Variants in SEMA5A observed in about 807,000 individuals in gnomAD.
SEMA5A encodes the protein semaphorin 5A, also known as semaphorin-5A.
Under a neutral mutation model 135.5 loss-of-function variants are expected in SEMA5A, and 55 were observed. The ratio of observed to expected loss-of-function variants is 0.41; its 90% CI spans 0.33 to 0.51. The LOEUF is 0.51. Among genes scored for constraint, SEMA5A ranks in the 20% least tolerant of loss-of-function variants. The pLI, the probability that SEMA5A is intolerant of heterozygous loss-of-function variation, is 0.37. For synonymous variants in SEMA5A, 580 were observed against 546.5 expected, an observed-to-expected ratio of 1.06 and a Z score of -0.85; for missense variants, 1,290 against 1,419.9, an observed-to-expected ratio of 0.91 and a Z score of 1.47.
intron 2 of SEMA5A, among the ~76,000 whole-genome samples, chr5:9,428,187 A>G (rs1441883160): frequency 1.4e-5 from 2 of 146,544 alleles, no homozygotes; most frequent in Non-Finnish European, 3.0e-5. Context: ...CATCCATCCA[A>G]TTGACCCAGA....
intron 5 of SEMA5A, among the ~76,000 whole-genome samples, chr5:9,265,907 A>C (rs1749662003): frequency 6.6e-6 from 1 of 152,180 alleles, no homozygotes; most frequent in African/African-American, 2.4e-5. Flanking sequence ...TGCTAGGCGG[A>C]GAAGGGCAGT....
intron 5 of SEMA5A, among the ~76,000 whole-genome samples, chr5:9,239,503 C>T (rs1247140882): frequency 6.6e-6 from 1 of 152,118 alleles, no homozygotes; most frequent in Non-Finnish European, 1.5e-5. Context: ...TGTTGTTGTT[C>T]ATCTGATTTG....
At chr5:9,384,629 T>C (rs1755780733) in intron 2 of SEMA5A, among the ~76,000 whole-genome samples, 1 of 117,486 alleles carries the variant, frequency 8.5e-6, no homozygotes, top group Admixed American at 8.7e-5. Flanking sequence ...CATAGATAGA[T>C]AGATAGATAG....
chr5:9,523,221 C>T (rs948637630), intron 1 of SEMA5A: 2 of 152,142 alleles, frequency 1.3e-5, no homozygotes, highest in African/African-American at 4.8e-5. Flanking sequence ...TCCAGCAGAA[C>T]ACAGCACCCG....
At chr5:9,453,899 G>A (rs144250954) in intron 1 of SEMA5A, among the ~76,000 whole-genome samples, 7 of 152,342 alleles carry the variant, frequency 4.6e-5, no homozygotes, top group Non-Finnish European at 8.8e-5. Context: ...CTGAAGGACT[G>A]TGTAAGTAGA....
At chr5:9,131,022 TGAG>T (rs751317936) in intron 13 of SEMA5A, among the ~76,000 whole-genome samples, 1 of 152,210 alleles carries the variant, frequency 6.6e-6, no homozygotes, top group Non-Finnish European at 1.5e-5. Flanking sequence ...ATAATGGCAT[TGAG>T]GAGAATCCTG....
At chr5:9,054,652 C>G (rs1188446011) in intron 18 of SEMA5A, among the ~76,000 whole-genome samples, 2 of 152,186 alleles carry the variant, frequency 1.3e-5, no homozygotes, top group Admixed American at 1.3e-4. Context: ...AAAGCCCCAG[C>G]CAGCTCTCAC....
At chr5:9,504,972 A>C (rs1735795953) in intron 1 of SEMA5A, among the ~76,000 whole-genome samples, 1 of 152,254 alleles carries the variant, frequency 6.6e-6, no homozygotes, top group Admixed American at 6.5e-5. Flanking sequence ...GTATCCGATC[A>C]TCATAGCAGC....
Position 9,122,649 on chromosome 5 carries a change from G to C in SEMA5A, c.1781+7C>G. 1 of 1,580,044 alleles carries C rather than the reference G, an allele frequency of 6.3e-7. No individual in the cohort carries two copies. On this transcript the variant is annotated splice_region_variant and intron_variant, in intron 14 of 22. Transcript: ENST00000382496. ...GCAGCACAACTGGCGTGTTCTGAGCGGCACACCTGGAACAGTTGGCGATCT... is the reference window on the plus strand; with the variant it reads ...GCAGCACAACTGGCGTGTTCTGAGCCGCACACCTGGAACAGTTGGCGATCT...
chr5:9,204,594 G>A lies in SEMA5A; in HGVS notation c.647-2354C>T, dbSNP rs1178985269. The stretch of plus-strand genomic sequence containing the variant: ...GAACTCACAAGAATCACAGAGCTAG[G>A]TGCTGTGCTATTCTTCCCATTTCAC... On this transcript the variant is annotated intron_variant, in intron 8 of 22. Transcript: ENST00000382496. The surrounding 1 kb of genome is among the most constrained non-coding windows in gnomAD (Gnocchi z 6.4). Among the ~76,000 whole-genome samples, 1 of 152,220 alleles carries A rather than the reference G, an allele frequency of 6.6e-6. No individual in the cohort carries two copies. Among genetic ancestry groups the A allele is most frequent in the Non-Finnish European group, 1.5e-5 (1 of 68,032 alleles).
In SEMA5A at chr5:9,122,181, G is replaced by A. The variant is rs1365245031; in HGVS notation, c.1781+475C>T. ...AAGCAACAGGAAAGCTATTCAATAG[G>A]TTATCTTATTTAAACTGCTCTCTTG... On this transcript the variant is annotated intron_variant, in intron 14 of 22. Coordinates refer to ENST00000382496, the MANE Select transcript of SEMA5A (RefSeq NM_003966.3). 3.3e-5 allele frequency among the ~76,000 whole-genome samples: 5 copies of A among 152,080 alleles called. No homozygotes were observed. In the East Asian group the frequency reaches 9.7e-4, roughly 29 times the overall value.
At chr5:9,388,959 A>C (rs1385612334) in intron 2 of SEMA5A, among the ~76,000 whole-genome samples, 2 of 152,154 alleles carry the variant, frequency 1.3e-5, no homozygotes, top group African/African-American at 4.8e-5. Context: ...TCTTTCGTCC[A>C]CTGCAAGATG....
At chr5:9,399,848 G>A (rs1004847136) in intron 2 of SEMA5A, among the ~76,000 whole-genome samples, 2 of 152,052 alleles carry the variant, frequency 1.3e-5, no homozygotes, top group Non-Finnish European at 2.9e-5. Context: ...GTAAAGGAGA[G>A]AGCTCTTTAT....
intron 4 of SEMA5A, among the ~76,000 whole-genome samples, chr5:9,333,404 A>C (rs1262260178): frequency 2.0e-5 from 3 of 152,238 alleles, no homozygotes; most frequent in African/African-American, 7.2e-5. Flanking sequence ...GGCATTTGGA[A>C]TAATACTTGG....
At chr5:9,349,023 AG>A (rs1753998444) in intron 3 of SEMA5A, among the ~76,000 whole-genome samples, 1 of 152,210 alleles carries the variant, frequency 6.6e-6, no homozygotes, top group African/African-American at 2.4e-5. Context: ...TCCTCACTAT[AG>A]GAAAATCTTT....
At chr5:9,489,340 C>T (rs1416853242) in intron 1 of SEMA5A, among the ~76,000 whole-genome samples, 4 of 152,118 alleles carry the variant, frequency 2.6e-5, no homozygotes, top group African/African-American at 9.7e-5. Flanking sequence ...TTCCTTCCAT[C>T]TAATTAAAAT....
Position 9,135,537 on chromosome 5 carries a change from C to G in SEMA5A, c.1599+967G>C, listed in dbSNP as rs553858185. ...CTTTATGAATATGTGGTTGAGATAA[C>G]AGAAAGGGTAAGTTCTTTGGTGGGA... is the stretch of plus-strand genomic sequence containing the variant. On this transcript the variant is annotated intron_variant, in intron 13 of 22. Transcript: ENST00000382496. Among the ~76,000 whole-genome samples, 3 of 152,138 alleles carry G rather than the reference C, an allele frequency of 2.0e-5. No individual in the cohort carries two copies. In the South Asian group the frequency reaches 6.2e-4, roughly 32 times the overall value.
chr5:9,077,942 A>C (rs1256204459), intron 16 of SEMA5A, among the ~76,000 whole-genome samples: 1 of 152,244 alleles, frequency 6.6e-6, no homozygotes, highest in Non-Finnish European at 1.5e-5. Context: ...CCATTATTTT[A>C]GGCATTCCTT....
intron 5 of SEMA5A, among the ~76,000 whole-genome samples, chr5:9,250,273 A>T (rs1748704821): frequency 6.6e-6 from 1 of 152,138 alleles, no homozygotes; most frequent in African/African-American, 2.4e-5. Context: ...TTGATCATGT[A>T]GATGTGTGGG....
Sources: gnomAD v4.1 joint callset for allele counts (sites outside exome capture counted in the v4.1 genomes callset) on GRCh38, gnomAD v4.1.1 for gene constraint, Gnocchi (gnomAD v3.1) non-coding constraint, MANE v1.5 for transcripts, NCBI Gene and HGNC (gene_info 2026-07-23, HGNC 2026-07-21) for gene names.